Variants in CTNNA3 observed in about 807,000 individuals in gnomAD.
CTNNA3 encodes the protein catenin alpha 3.
In CTNNA3, 76 loss-of-function variants were observed where a neutral mutation model predicts 95.7. The ratio of observed to expected loss-of-function variants is 0.79; its 90% confidence interval spans 0.66 to 0.96. The LOEUF (loss-of-function observed/expected upper bound fraction) is 0.96, where lower values mean the gene tolerates loss of function less well. Among genes scored for constraint, CTNNA3 ranks in the 40% least tolerant of loss-of-function variants. The pLI is 0.00. For missense variants in CTNNA3, 1,191 were observed against 1,089.8 expected, an observed-to-expected ratio of 1.09 and a Z score of -1.31; for synonymous variants, 431 against 374.4, an observed-to-expected ratio of 1.15 and a Z score of -1.74.
chr10:67,722,976 C>T (rs1473454978), intron 1 of CTNNA3, among the ~76,000 whole-genome samples: 2 of 143,208 alleles, frequency 1.4e-5, no homozygotes, highest in Non-Finnish European at 3.0e-5. Flanking sequence ...ACAATTATAT[C>T]TTTCAGCTCT....
chr10:66,716,612 C>T (rs1848457911), intron 9 of CTNNA3, among the ~76,000 whole-genome samples: 1 of 152,162 alleles, frequency 6.6e-6, no homozygotes, highest in Non-Finnish European at 1.5e-5. Flanking sequence ...ATTGAGGCAA[C>T]AGAGGCATTT....
intron 5 of CTNNA3, among the ~76,000 whole-genome samples, chr10:67,293,931 C>T (rs772019097): frequency 1.3e-5 from 2 of 152,014 alleles, no homozygotes; most frequent in South Asian, 4.2e-4. Context: ...GGACATTTGG[C>T]TTGGTTCCAA....
chr10:66,235,871 T>C (rs1426046278), intron 13 of CTNNA3, among the ~76,000 whole-genome samples: 1 of 152,192 alleles, frequency 6.6e-6, no homozygotes, highest in Non-Finnish European at 1.5e-5. Context: ...AGAATGCTCA[T>C]ATACATTGAA....
At chr10:67,133,939 C>T (rs1338070023) in intron 7 of CTNNA3, among the ~76,000 whole-genome samples, 1 of 152,094 alleles carries the variant, frequency 6.6e-6, no homozygotes, top group African/African-American at 2.4e-5. Flanking sequence ...TTGCCTCAAC[C>T]TTCTGAGTTG....
chr10:66,397,263 A>G (rs1564926486), intron 11 of CTNNA3, among the ~76,000 whole-genome samples: 1 of 151,692 alleles, frequency 6.6e-6, no homozygotes, highest in Non-Finnish European at 1.5e-5. Context: ...ATTATACTCT[A>G]TCCTTGATTA....
Position 66,452,926 on chromosome 10 carries a change from G to A in CTNNA3, c.1531+67691C>T, listed in dbSNP as rs931330086. ...TCTGCCAAACTACTCTTAAAAATCC[G>A]AGCCTCTGGCTGGGTGCAGTGGCTC... On this transcript the variant is annotated intron_variant, in intron 11 of 17. Transcript: ENST00000433211. Among the ~76,000 whole-genome samples, 9 of 152,044 alleles carry A rather than the reference G, an allele frequency of 5.9e-5. 1 individual carries two copies. The highest frequency in any genetic ancestry group is 2.0e-4 in the Admixed American group (3 of 15,262).
chr10:67,043,708 C>G (rs1365552990), intron 7 of CTNNA3, among the ~76,000 whole-genome samples: 1 of 152,084 alleles, frequency 6.6e-6, no homozygotes, highest in Non-Finnish European at 1.5e-5. Flanking sequence ...AAGGAATCAT[C>G]CATCTTTATA....
At chr10:67,719,681 C>G (rs896667496) in intron 1 of CTNNA3, among the ~76,000 whole-genome samples, 1 of 152,060 alleles carries the variant, frequency 6.6e-6, no homozygotes, top group African/African-American at 2.4e-5. Flanking sequence ...GTTATGATTT[C>G]CATTCTTTTG....
At chr10:66,945,296 C>T (rs1314432679) in intron 7 of CTNNA3, among the ~76,000 whole-genome samples, 4 of 152,216 alleles carry the variant, frequency 2.6e-5, no homozygotes, top group Non-Finnish European at 4.4e-5. Context: ...TACATCATCA[C>T]TTCCACTTCA....
intron 9 of CTNNA3, among the ~76,000 whole-genome samples, chr10:66,648,603 A>T (rs926006296): frequency 6.6e-6 from 1 of 152,192 alleles, no homozygotes; most frequent in South Asian, 2.1e-4. Flanking sequence ...GAACATTGAC[A>T]AATTAAGATT....
intron 1 of CTNNA3, among the ~76,000 whole-genome samples, chr10:67,655,071 C>T (rs764564404): frequency 1.5e-4 from 23 of 152,192 alleles, no homozygotes; most frequent in Admixed American, 3.3e-4. Context: ...ATGTTTTCTC[C>T]TGATAAGTAC....
intron 7 of CTNNA3, among the ~76,000 whole-genome samples, chr10:67,014,772 GA>G (rs959526037): frequency 2.0e-5 from 3 of 150,500 alleles, no homozygotes; most frequent in Non-Finnish European, 3.0e-5. Flanking sequence ...CCATTTATCA[GA>G]AAAAAAACAG....
At chr10:66,125,674 G>T (rs534659415) in intron 13 of CTNNA3, among the ~76,000 whole-genome samples, 4 of 152,114 alleles carry the variant, frequency 2.6e-5, no homozygotes, top group Non-Finnish European at 5.9e-5. Context: ...TAAATATAAA[G>T]AAATGAACTA....
rs78653684 is a variant in CTNNA3, at chr10:66,599,435, C to A, written c.1374+22257G>T. Among the ~76,000 whole-genome samples, 889 of 151,960 alleles carry A rather than the reference C, an allele frequency of 5.9e-3. 9 individuals carry two copies. The highest frequency in any genetic ancestry group is 0.021 in the African/African-American group (856 of 41,488). On this transcript the variant is annotated intron_variant, in intron 10 of 17. Transcript: ENST00000433211. ...AGACAGTTTTGCAGTCATGGCTGTACTATTCCCTTCAATTTTTGGCCCATT... is the reference window on the plus strand; with the variant it reads ...AGACAGTTTTGCAGTCATGGCTGTAATATTCCCTTCAATTTTTGGCCCATT...
chr10:67,233,941 A>G (rs1436956679), intron 5 of CTNNA3, among the ~76,000 whole-genome samples: 2 of 152,146 alleles, frequency 1.3e-5, no homozygotes, highest in African/African-American at 4.8e-5. Flanking sequence ...CGACACATAC[A>G]CCCTCCCAAG....
At chr10:66,432,957 G>A (rs151104460) in intron 11 of CTNNA3, among the ~76,000 whole-genome samples, 17,806 of 152,046 alleles carry the variant, frequency 0.12, 1,503 homozygotes, top group African/African-American at 0.24. Context: ...CTTCATCCAT[G>A]TCCCTGCAAA....
chr10:66,644,029 A>G (rs1172556733), intron 9 of CTNNA3, among the ~76,000 whole-genome samples: 1 of 152,062 alleles, frequency 6.6e-6, no homozygotes, highest in Non-Finnish European at 1.5e-5. Flanking sequence ...AGACCAAGAC[A>G]GGCAGATCAC....
chr10:66,652,918 A>C (rs539354458), intron 9 of CTNNA3, among the ~76,000 whole-genome samples: 3 of 152,308 alleles, frequency 2.0e-5, no homozygotes, highest in African/African-American at 7.2e-5. Flanking sequence ...TGAAAAAAGC[A>C]TTTAACAAAA....
intron 9 of CTNNA3, among the ~76,000 whole-genome samples, chr10:66,742,608 C>A (rs573475430): frequency 6.6e-6 from 1 of 152,108 alleles, no homozygotes; most frequent in Non-Finnish European, 1.5e-5. Flanking sequence ...ATGTCTCCCC[C>A]GGACACCCAG....
Sources: gnomAD v4.1 joint callset for allele counts (sites outside exome capture counted in the v4.1 genomes callset) on GRCh38, gnomAD v4.1.1 for gene constraint, MANE v1.5 for transcripts, NCBI Gene and HGNC (gene_info 2026-07-23, HGNC 2026-07-21) for gene names.